The following MAPT variants were observed in gnomAD, a reference collection of about 807,000 sequenced individuals.
The protein encoded by MAPT is microtubule-associated protein tau.
In MAPT, 34 loss-of-function variants were observed where a neutral mutation model predicts 67.9. That is an observed-to-expected ratio of 0.50 (90% CI 0.38 to 0.67). MAPT has a LOEUF of 0.67. MAPT is among the 30% of genes least tolerant of loss of function. MAPT has a pLI of 0.00. For missense variants in MAPT, 881 were observed against 1,115.2 expected (o/e 0.79, Z 2.99); for synonymous variants, 456 against 464.5 (o/e 0.98, Z 0.23).
rs1304300079 is a variant in MAPT, at chr17:45,933,094, C to G, written c.-17-29227C>G. On this transcript the variant is annotated intron_variant, in intron 1 of 12. Transcript: ENST00000262410. ...TGAAACTCTGTTTCAAACAAACAAA[C>G]AAAAAAAAAAACCTCTTGGACCAGG... is the stretch of plus-strand genomic sequence containing the variant. 2.2e-5 allele frequency among the ~76,000 whole-genome samples: 3 copies of G among 138,648 alleles called. No homozygotes were observed. The East Asian group carries it at 6.1e-4, about 28-fold the overall frequency. 91.0% of individuals were successfully genotyped at this position (138,648 alleles called of 152,430 possible).
intron 1 of MAPT, among the ~76,000 whole-genome samples, chr17:45,936,037 T>C (rs1192111780): frequency 1.3e-5 from 2 of 152,224 alleles, no homozygotes; most frequent in Non-Finnish European, 2.9e-5. Flanking sequence ...AGAGAGCATG[T>C]TGTCTGTCCC....
chr17:46,009,471 T>C (rs1057159955), intron 9 of MAPT, among the ~76,000 whole-genome samples: 2 of 135,316 alleles, frequency 1.5e-5, no homozygotes, highest in Admixed American at 1.6e-4. Flanking sequence ...GGGAGACCCA[T>C]CCAGGCCACC....
At chr17:46,005,784 G>A (rs918864765) in intron 9 of MAPT, among the ~76,000 whole-genome samples, 1 of 152,178 alleles carries the variant, frequency 6.6e-6, no homozygotes, top group Non-Finnish European at 1.5e-5. Context: ...GTGTCTCCTT[G>A]CTGGCAGGAG....
rs745351649 is a variant in MAPT, at chr17:45,989,928, C to T, written c.1458C>T (p.Ser486=). 4 of 1,614,214 alleles carry T rather than the reference C, an allele frequency of 2.5e-6. No individual in the cohort carries two copies. The highest frequency in any genetic ancestry group is 3.4e-6 in the Non-Finnish European group (4 of 1,180,036). The change falls in exon 7 of 13, where the codon AGC becomes AGT. Residue 486 remains serine (S), a synonymous_variant. Coordinates refer to ENST00000262410, the MANE Select transcript of MAPT (RefSeq NM_001377265.1). ...CCTTGAAAAATAGGCCTTGCCTTAG[C>T]CCCAAACACCCCACTCCTGGTAGCT... ...AKTLKNRPCL[S]PKHPTPGSSD... is the part of the protein sequence containing the mutation.
intron 1 of MAPT, among the ~76,000 whole-genome samples, chr17:45,948,789 C>G (rs1598102926): frequency 1.3e-5 from 2 of 152,310 alleles, no homozygotes; most frequent in Middle Eastern, 3.4e-3. Context: ...TGGTTCCTAT[C>G]ATGAGAAATC....
At chr17:45,902,505 TGG>T (rs2063687236) in intron 1 of MAPT, among the ~76,000 whole-genome samples, 1 of 152,240 alleles carries the variant, frequency 6.6e-6, no homozygotes, top group Non-Finnish European at 1.5e-5. Flanking sequence ...TCAGGCTGTG[TGG>T]ACCCCAGCCT....
chr17:45,898,631 A>G (rs898197407), intron 1 of MAPT: 1 of 152,168 alleles, frequency 6.6e-6, no homozygotes, highest in Non-Finnish European at 1.5e-5. Context: ...CTGTGGCTAT[A>G]TGTACGAACA....
chr17:46,019,883 G>A (rs67676322), intron 12 of MAPT, among the ~76,000 whole-genome samples: 21,629 of 151,406 alleles, frequency 0.14, 1,856 homozygotes, highest in East Asian at 0.46. Context: ...GTGGTGGTGC[G>A]TGCCTGTAAT....
intron 1 of MAPT, among the ~76,000 whole-genome samples, chr17:45,940,905 G>C (rs1418324825): frequency 6.6e-6 from 1 of 152,174 alleles, no homozygotes; most frequent in East Asian, 1.9e-4. Context: ...CTTTCCAAAA[G>C]CTTCTGAGAT....
intron 1 of MAPT, among the ~76,000 whole-genome samples, chr17:45,939,857 C>T (rs1168055636): frequency 1.3e-5 from 2 of 152,166 alleles, no homozygotes; most frequent in African/African-American, 4.8e-5. Context: ...CTTGACGTAA[C>T]GTGTTCCCTC....
At chr17:45,949,479 AC>A (rs2068845196) in intron 1 of MAPT, among the ~76,000 whole-genome samples, 1 of 152,220 alleles carries the variant, frequency 6.6e-6, no homozygotes, top group Non-Finnish European at 1.5e-5. Flanking sequence ...CCCGTTTGAT[AC>A]AGTAGCATAG....
At chr17:46,021,386 C>T (rs919760740) in intron 12 of MAPT, among the ~76,000 whole-genome samples, 7 of 152,184 alleles carry the variant, frequency 4.6e-5, no homozygotes, top group Non-Finnish European at 8.8e-5. Flanking sequence ...GTTTCTAACC[C>T]CAGGCCTCCC....
chr17:45,961,194 C>G (rs1188384004), intron 1 of MAPT, among the ~76,000 whole-genome samples: 1 of 152,042 alleles, frequency 6.6e-6, no homozygotes, highest in African/African-American at 2.4e-5. Context: ...TTCATAAATT[C>G]AAAGTTATGA....
At chr17:46,003,858 G>A (rs17573509) in intron 9 of MAPT, among the ~76,000 whole-genome samples, 21,663 of 152,084 alleles carry the variant, frequency 0.14, 2,088 homozygotes, top group Non-Finnish European at 0.22. Flanking sequence ...AAATCTGTGT[G>A]AATCAAATCA....
At chr17:45,984,328 C>T (rs892006181) in intron 5 of MAPT, among the ~76,000 whole-genome samples, 10 of 152,204 alleles carry the variant, frequency 6.6e-5, no homozygotes, top group African/African-American at 1.7e-4. Context: ...GCATAAGCAG[C>T]CCCACTTTGC....
At chr17:45,927,551 C>T (rs931899737) in intron 1 of MAPT, among the ~76,000 whole-genome samples, 1 of 152,312 alleles carries the variant, frequency 6.6e-6, no homozygotes, top group Admixed American at 6.5e-5. Flanking sequence ...CTCCCACTGT[C>T]TCAGGAACGG....
At chr17:45,970,087 T>TCCATCCATCCATCCATTCATCTATCCAC (rs2071504487) in intron 2 of MAPT, among the ~76,000 whole-genome samples, 1 of 111,258 alleles carries the variant, frequency 9.0e-6, no homozygotes, top group Non-Finnish European at 2.4e-5. Context: ...TATCCACCCA[T>TCCATCCATCCATCCATTCATCTATCCAC]CCATCCATCC....
At chr17:45,993,568 C>T (rs1458253081) in intron 8 of MAPT, among the ~76,000 whole-genome samples, 1 of 152,254 alleles carries the variant, frequency 6.6e-6, no homozygotes, top group Non-Finnish European at 1.5e-5. Flanking sequence ...CACAGGCCAC[C>T]ACGCCCTGCT....
intron 1 of MAPT, among the ~76,000 whole-genome samples, chr17:45,926,939 A>G (rs1243773692): frequency 2.8e-5 from 3 of 107,896 alleles, no homozygotes; most frequent in Non-Finnish European, 5.1e-5. Context: ...ATATATACAC[A>G]TATATATACA....
Sources: gnomAD v4.1 joint callset for allele counts (sites outside exome capture counted in the v4.1 genomes callset) on GRCh38, gnomAD v4.1.1 for gene constraint, MANE v1.5 for transcripts, NCBI Gene and HGNC (gene_info 2026-07-23, HGNC 2026-07-21) for gene names.